The following SORCS2 variants were observed in gnomAD, a reference collection of about 807,000 sequenced individuals.
The protein encoded by SORCS2 is VPS10 domain-containing receptor SorCS2.
SORCS2 carries 100 observed loss-of-function variants against 141.6 expected under a neutral mutation model. The ratio of observed to expected loss-of-function variants is 0.71; its 90% CI spans 0.60 to 0.83. SORCS2 has a LOEUF of 0.83. Ranked by LOEUF, SORCS2 falls within the 40% of genes least tolerant of loss-of-function variation. SORCS2 has a pLI of 0.00. For synonymous variants in SORCS2, 789 were observed against 676.9 expected, an observed-to-expected ratio of 1.17 and a Z score of -2.57; for missense variants, 1,646 against 1,560.2, an observed-to-expected ratio of 1.05 and a Z score of -0.93.
At chr4:7,551,087 T>C (rs113431171) in intron 3 of SORCS2, among the ~76,000 whole-genome samples, 138 of 152,368 alleles carry the variant, frequency 9.1e-4, no homozygotes, top group African/African-American at 3.2e-3. Context: ...TCCTAGAAGT[T>C]CTGCCTAGCC....
intron 1 of SORCS2, among the ~76,000 whole-genome samples, chr4:7,345,503 G>A (rs1019998046): frequency 2.1e-4 from 32 of 152,134 alleles, no homozygotes; most frequent in African/African-American, 7.0e-4. Context: ...TGCTCTTCCA[G>A]GCTATTTTGC....
intron 2 of SORCS2, among the ~76,000 whole-genome samples, chr4:7,501,070 A>T (rs1019114650): frequency 6.6e-6 from 1 of 152,180 alleles, no homozygotes; most frequent in Non-Finnish European, 1.5e-5. Flanking sequence ...TGAGCCCTGG[A>T]AAAAGCACCT....
chr4:7,693,511 T>C (rs1159750827), intron 11 of SORCS2, among the ~76,000 whole-genome samples: 1 of 152,214 alleles, frequency 6.6e-6, no homozygotes. Flanking sequence ...CCCCAGGTGA[T>C]TATGGAGCCT....
At position 7,723,875 on chromosome 4, in the gene SORCS2, A is replaced by G. The variant is rs371641996; in HGVS notation, c.2603A>G (p.Gln868Arg). 18 of 1,603,258 alleles carry G rather than the reference A, an allele frequency of 1.1e-5. No individual in the cohort carries two copies. The highest frequency in any genetic ancestry group is 1.4e-5 in the Non-Finnish European group (16 of 1,177,458). ...AGHDEAVLFVQVNSPLQALYL... is the reference protein window; with the variant it reads ...AGHDEAVLFVRVNSPLQALYL... ...CACGATGAGGCGGTGCTCTTTGTCCAGGTCAACTGTAAGTTTATTGCCCCT... is the reference window on the plus strand; with the variant it reads ...CACGATGAGGCGGTGCTCTTTGTCCGGGTCAACTGTAAGTTTATTGCCCCT... The change falls in exon 19 of 27, where the codon CAG (glutamine) becomes CGG (arginine). Residue 868 changes from glutamine to arginine, a missense_variant. By Grantham distance (43) the Gln-to-Arg change is conservative. Coordinates refer to ENST00000507866, the MANE Select transcript of SORCS2 (RefSeq NM_020777.3).
At chr4:7,417,461 C>G (rs1725773999) in intron 2 of SORCS2, among the ~76,000 whole-genome samples, 1 of 152,132 alleles carries the variant, frequency 6.6e-6, no homozygotes, top group Admixed American at 6.5e-5. Context: ...GGGGTAGAAG[C>G]TAGTGTTTGT....
Position 7,201,072 on chromosome 4 carries a change from C to G in SORCS2, c.480+7946C>G, listed in dbSNP as rs1022534840. ...AATGTTTGGTCTGGACAGGAATTCA[C>G]CCCAGCGCGTTCTAGGTGCCGTGTG... On this transcript the variant is annotated intron_variant, in intron 1 of 26. Coordinates refer to ENST00000507866, the MANE Select transcript of SORCS2 (RefSeq NM_020777.3). This position sits in a 1 kb window ranked among gnomAD's most constrained non-coding sequence, Gnocchi z 4.4. Among the ~76,000 whole-genome samples, 1 of 152,168 alleles carries G rather than the reference C, an allele frequency of 6.6e-6. No individual in the cohort carries two copies. The highest frequency in any genetic ancestry group is 1.9e-4 in the East Asian group (1 of 5,194).
chr4:7,425,420 C>T (rs1051913442), intron 2 of SORCS2, among the ~76,000 whole-genome samples: 8 of 152,218 alleles, frequency 5.3e-5, no homozygotes, highest in African/African-American at 1.9e-4. Flanking sequence ...CGGTTTCCCC[C>T]GTGTCCTGGG....
intron 4 of SORCS2, among the ~76,000 whole-genome samples, chr4:7,651,121 C>T (rs1263030440): frequency 6.6e-6 from 1 of 152,166 alleles, no homozygotes; most frequent in Non-Finnish European, 1.5e-5. Flanking sequence ...AGGGATGAAA[C>T]ATATTGAAAT....
rs569954892 is a variant in SORCS2, at chr4:7,549,246, C to CA, written c.648+17624dup. 3.2e-3 allele frequency among the ~76,000 whole-genome samples: 485 copies of CA among 152,220 alleles called. 2 individuals carry two copies. Among genetic ancestry groups the CA allele is most frequent in the South Asian group, 0.012 (57 of 4,802 alleles). On this transcript the variant is annotated intron_variant, in intron 3 of 26. Transcript: ENST00000507866. ...GAAAACATTCCTTATTTTAGGACTT[C>CA]AAAAAAATCTCAAACTCCTCCTTCC...
intron 3 of SORCS2, among the ~76,000 whole-genome samples, chr4:7,543,520 C>CACTT (rs1712881976): frequency 7.8e-6 from 1 of 129,008 alleles, no homozygotes; most frequent in African/African-American, 2.6e-5. Flanking sequence ...TCCATCCATC[C>CACTT]GTCCATCCAT....
chr4:7,710,080 G>A (rs1335287482), intron 14 of SORCS2, among the ~76,000 whole-genome samples: 1 of 152,182 alleles, frequency 6.6e-6, no homozygotes, highest in Admixed American at 6.5e-5. Context: ...GACATGCAGG[G>A]GGTTAATTAG....
intron 1 of SORCS2, among the ~76,000 whole-genome samples, chr4:7,277,384 G>A (rs939340455): frequency 6.6e-6 from 1 of 152,212 alleles, no homozygotes; most frequent in African/African-American, 2.4e-5. Context: ...CAGCAGGGAT[G>A]AGTGTGTTTG....
intron 3 of SORCS2, among the ~76,000 whole-genome samples, chr4:7,536,719 A>G (rs1388232567): frequency 6.6e-6 from 1 of 152,098 alleles, no homozygotes; most frequent in Non-Finnish European, 1.5e-5. Flanking sequence ...GGCCTTTATC[A>G]TTGCATGAAA....
At chr4:7,260,822 T>C (rs1362845032) in intron 1 of SORCS2, among the ~76,000 whole-genome samples, 1 of 152,142 alleles carries the variant, frequency 6.6e-6, no homozygotes, top group East Asian at 1.9e-4. Context: ...CGGGAAGACA[T>C]GGTGTGACCC....
At chr4:7,471,876 C>T (rs1729998535) in intron 2 of SORCS2, among the ~76,000 whole-genome samples, 1 of 152,262 alleles carries the variant, frequency 6.6e-6, no homozygotes, top group African/African-American at 2.4e-5. Flanking sequence ...GCTGGAGTCT[C>T]CACTGCACTG....
intron 3 of SORCS2, among the ~76,000 whole-genome samples, chr4:7,624,483 A>G (rs899315957): frequency 1.3e-5 from 2 of 152,220 alleles, no homozygotes; most frequent in Admixed American, 1.3e-4. Context: ...AGCAGCCACA[A>G]TACTATCTTG....
chr4:7,398,095 G>A lies in SORCS2; in HGVS notation c.548+1740G>A, dbSNP rs371014875. 2.1e-4 allele frequency among the ~76,000 whole-genome samples: 32 copies of A among 152,304 alleles called. No individual in the cohort carries two copies. In the South Asian group the frequency reaches 3.3e-3, roughly 16 times the overall value. On this transcript the variant is annotated intron_variant, in intron 2 of 26. Transcript: ENST00000507866. Reference sequence around the variant, plus strand: ...AACAGGGAACGATCTTTTCTTTCCCGGTGTGATCTGCACTTATACGACGGA... The same window carrying A: ...AACAGGGAACGATCTTTTCTTTCCCAGTGTGATCTGCACTTATACGACGGA...
intron 14 of SORCS2, among the ~76,000 whole-genome samples, chr4:7,704,991 G>A (rs1725328732): frequency 6.6e-6 from 1 of 151,732 alleles, no homozygotes; most frequent in East Asian, 2.0e-4. Flanking sequence ...TCACGGTGAT[G>A]CCTGAGATAT....
intron 2 of SORCS2, among the ~76,000 whole-genome samples, chr4:7,413,842 A>G (rs1577520696): frequency 1.3e-5 from 2 of 151,980 alleles, no homozygotes; most frequent in Non-Finnish European, 2.9e-5. Flanking sequence ...CCTTGTACAT[A>G]CCCTGCCCCA....
Sources: allele counts gnomAD v4.1 joint callset (sites outside exome capture counted in the v4.1 genomes callset), GRCh38; gene constraint gnomAD v4.1.1; non-coding constraint Gnocchi (gnomAD v3.1); transcripts MANE v1.5; gene names NCBI Gene and HGNC (gene_info 2026-07-23, HGNC 2026-07-21).